Variants in PCNX2 observed in about 807,000 individuals in gnomAD.
The protein encoded by PCNX2 is pecanex-like protein 2.
In PCNX2, 168 loss-of-function variants were observed where a neutral mutation model predicts 223.8. That is an observed-to-expected ratio of 0.75 (90% CI 0.66 to 0.85). PCNX2 has a LOEUF of 0.85. Among genes scored for constraint, PCNX2 ranks in the 40% least tolerant of loss-of-function variants. The pLI, the probability that PCNX2 is intolerant of heterozygous loss-of-function variation, is 0.00. For missense variants in PCNX2, 2,507 were observed against 2,675.5 expected (o/e 0.94, Z 1.39); for synonymous variants, 1,006 against 1,052.6 (o/e 0.96, Z 0.86).
chr1:233,085,459 T>C (rs1047763415), intron 23 of PCNX2, among the ~76,000 whole-genome samples: 2 of 152,192 alleles, frequency 1.3e-5, no homozygotes, highest in Non-Finnish European at 2.9e-5. Flanking sequence ...TAGAATTTAC[T>C]GATGGCCATA....
chr1:233,257,368 G>A (rs1659792493), intron 5 of PCNX2, among the ~76,000 whole-genome samples: 1 of 152,148 alleles, frequency 6.6e-6, no homozygotes, highest in Non-Finnish European at 1.5e-5. Context: ...GAGTTAATAT[G>A]AGAGTAACTG....
intron 17 of PCNX2, among the ~76,000 whole-genome samples, chr1:233,164,725 G>A (rs1417703129): frequency 1.3e-5 from 2 of 151,990 alleles, no homozygotes; most frequent in African/African-American, 4.8e-5. Flanking sequence ...TCATTTTGCA[G>A]CAGCAACATG....
the PCNX2 span, among the ~76,000 whole-genome samples, chr1:233,307,654 T>C: frequency 6.6e-6 from 1 of 152,214 alleles, no homozygotes; most frequent in Non-Finnish European, 1.5e-5. Context: ...CATTGAATAA[T>C]CTCTCTGTGT....
intron 25 of PCNX2, among the ~76,000 whole-genome samples, chr1:233,037,054 T>A (rs11805552): frequency 0.087 from 13,306 of 152,262 alleles, 647 homozygotes; most frequent in African/African-American, 0.13. Context: ...ATCATTACCA[T>A]CACTAAGAAG....
In PCNX2 at chr1:233,074,011, T is replaced by C. The variant is rs528244626; in HGVS notation, c.4076+16050A>G. Among the ~76,000 whole-genome samples the C allele has an allele frequency of 3.9e-5, 6 of 152,330 alleles. No individual in the cohort carries two copies. In the South Asian group the frequency reaches 1.2e-3, roughly 32 times the overall value. On this transcript the variant is annotated intron_variant, in intron 23 of 33. Coordinates refer to ENST00000258229, the MANE Select transcript of PCNX2 (RefSeq NM_014801.4). ...CCATAAGTTTTAATAAATTATATTTTATTTTCATTCATCTTGAAGTAGTTT... is the reference window on the plus strand; with the variant it reads ...CCATAAGTTTTAATAAATTATATTTCATTTTCATTCATCTTGAAGTAGTTT...
Position 233,052,983 on chromosome 1 carries a change from C to T in PCNX2, c.4351+1285G>A, listed in dbSNP as rs1411338468. Among the ~76,000 whole-genome samples, 3 of 151,694 alleles carry T rather than the reference C, an allele frequency of 2.0e-5. 1 individual carries two copies. In the East Asian group the frequency reaches 5.9e-4, roughly 30 times the overall value. ...CTGGGCACTTCCCTGTCTCTGCCAT[C>T]ATCTGCTTGGGTGTCCACAATGCAG... On this transcript the variant is annotated intron_variant, in intron 25 of 33. Coordinates refer to ENST00000258229, the MANE Select transcript of PCNX2 (RefSeq NM_014801.4).
At chr1:233,060,488 T>C (rs1030371310) in intron 23 of PCNX2, among the ~76,000 whole-genome samples, 1 of 152,246 alleles carries the variant, frequency 6.6e-6, no homozygotes, top group African/African-American at 2.4e-5. Flanking sequence ...TTAAGCTGCC[T>C]GTGTACCCCC....
At chr1:233,102,242 T>A (rs953931811) in intron 21 of PCNX2, among the ~76,000 whole-genome samples, 3 of 152,210 alleles carry the variant, frequency 2.0e-5, no homozygotes, top group African/African-American at 7.2e-5. Context: ...ATAAATTCCA[T>A]TGTGTATATA....
At position 233,033,759 on chromosome 1, in the gene PCNX2, C is replaced by G. The variant is rs937628005; in HGVS notation, c.4352-8360G>C. Among the ~76,000 whole-genome samples, 3 of 152,184 alleles carry G rather than the reference C, an allele frequency of 2.0e-5. No homozygotes were observed. In the East Asian group the frequency reaches 5.8e-4, roughly 29 times the overall value. The stretch of plus-strand genomic sequence containing the variant: ...CTTACATATGGGGCTCTCCAGAGGC[C>G]TTGCATCATCCAAGAGTAGATTCTA... On this transcript the variant is annotated intron_variant, in intron 25 of 33. Transcript: ENST00000258229.
chr1:233,246,902 A>T lies in PCNX2; in HGVS notation c.2222+3837T>A, dbSNP rs140122111. Among the ~76,000 whole-genome samples, 468 of 152,326 alleles carry T rather than the reference A, an allele frequency of 3.1e-3. 2 individuals are homozygous for T. The highest frequency in any genetic ancestry group is 0.011 in the African/African-American group (453 of 41,564). On this transcript the variant is annotated intron_variant, in intron 8 of 33. Coordinates refer to ENST00000258229, the MANE Select transcript of PCNX2 (RefSeq NM_014801.4). ...GCTGGTTCTTATTCTGCTTTCTGAG[A>T]ATTTTCCTTTCAGATAGCCAACCCA...
intron 19 of PCNX2, among the ~76,000 whole-genome samples, chr1:233,144,075 G>A (rs948812786): frequency 3.9e-5 from 6 of 152,060 alleles, no homozygotes; most frequent in Non-Finnish European, 8.8e-5. Context: ...CAGCTACTTG[G>A]GAGGCTGAAG....
At chr1:233,302,356 A>T in the PCNX2 span, among the ~76,000 whole-genome samples, 1 of 152,068 alleles carries the variant, frequency 6.6e-6, no homozygotes, top group African/African-American at 2.4e-5. Context: ...TTTAATAAAA[A>T]TGTCTATGCA....
At chr1:233,256,555 A>T (rs535514511) in intron 5 of PCNX2, among the ~76,000 whole-genome samples, 54 of 152,178 alleles carry the variant, frequency 3.5e-4, no homozygotes, top group Admixed American at 4.6e-4. Flanking sequence ...TACTTAAATG[A>T]ATTAAAATCT....
At chr1:233,316,334 T>C in the PCNX2 span, among the ~76,000 whole-genome samples, 1 of 152,248 alleles carries the variant, frequency 6.6e-6, no homozygotes, top group South Asian at 2.1e-4. Flanking sequence ...TGTTAACTTA[T>C]TACTGTTACC....
intron 12 of PCNX2, chr1:233,210,427 G>A: frequency 1.0e-5 from 2 of 192,486 alleles, no homozygotes; most frequent in Non-Finnish European, 1.9e-5. Context: ...ACAGGCACCC[G>A]CCACCATGCC....
intron 21 of PCNX2, among the ~76,000 whole-genome samples, chr1:233,118,585 T>C (rs1675566683): frequency 1.3e-5 from 2 of 148,660 alleles, no homozygotes; most frequent in African/African-American, 2.5e-5. Flanking sequence ...AATAAAACCA[T>C]ACATTCTGAA....
At chr1:233,304,276 G>A in the PCNX2 span, among the ~76,000 whole-genome samples, 1 of 152,046 alleles carries the variant, frequency 6.6e-6, no homozygotes, top group East Asian at 1.9e-4. Context: ...AGCAGTTAGA[G>A]GTAAAGCAAA....
intron 13 of PCNX2, chr1:233,202,050 A>G: frequency 2.6e-6 from 1 of 380,658 alleles, no homozygotes; most frequent in South Asian, 2.1e-5. Context: ...TCTTTAAAAT[A>G]AATGTCGTGG....
At position 232,998,312 on chromosome 1, in the gene PCNX2, T is replaced by C; in HGVS notation, c.5730A>G (p.Glu1910=). ...PSGGSQESSA[E]QPRKGGAQHG... ...GCTGAGCACCGCCTTTTCTGGGCTG[T>C]TCTGCGCTGCTCTCCTGGCTGCCAC... Residue 1910 remains glutamate, a synonymous_variant, in exon 32 of 34, where the codon GAA becomes GAG. Coordinates refer to ENST00000258229, the MANE Select transcript of PCNX2 (RefSeq NM_014801.4). The C allele has an allele frequency of 1.9e-6, 3 of 1,612,674 alleles. No individual in the cohort carries two copies. Among genetic ancestry groups the C allele is most frequent in the Non-Finnish European group, 2.5e-6 (3 of 1,179,336 alleles).
Sources: gnomAD v4.1 joint callset for allele counts (sites outside exome capture counted in the v4.1 genomes callset) on GRCh38, gnomAD v4.1.1 for gene constraint, MANE v1.5 for transcripts, NCBI Gene and HGNC (gene_info 2026-07-23, HGNC 2026-07-21) for gene names.